Variants in PDE4DIP observed in about 807,000 individuals in gnomAD.
The protein encoded by PDE4DIP is phosphodiesterase 4D interacting protein.
A neutral mutation model predicts 221.4 loss-of-function variants in PDE4DIP; 59 were observed. The observed-to-expected ratio is 0.27, with a 90% confidence interval of 0.22 to 0.33. The LOEUF (loss-of-function observed/expected upper bound fraction) is 0.33. PDE4DIP is among the 10% of genes least tolerant of loss of function. PDE4DIP has a pLI of 1.00. For missense variants in PDE4DIP, 1,036 were observed against 2,154.2 expected (o/e 0.48, Z 10.28); for synonymous variants, 404 against 815.9 (o/e 0.50, Z 8.60).
chr1:148,984,061 C>G (rs587614831), intron 21 of PDE4DIP: 1 of 152,028 alleles, frequency 6.6e-6, no homozygotes, highest in Non-Finnish European at 1.5e-5. Flanking sequence ...AGATATTGTC[C>G]CTAAACTCTT....
At chr1:148,936,727 T>G (rs2049275790) in intron 4 of PDE4DIP, among the ~76,000 whole-genome samples, 1 of 152,204 alleles carries the variant, frequency 6.6e-6, no homozygotes, top group Non-Finnish European at 1.5e-5. Context: ...TTTTTTTTAC[T>G]TTTTAAACTT....
intron 1 of PDE4DIP, among the ~76,000 whole-genome samples, chr1:148,821,414 A>C (rs1553360784): frequency 6.6e-6 from 1 of 150,690 alleles, no homozygotes; most frequent in East Asian, 1.9e-4. Context: ...AAAATGAGGA[A>C]CAAAATTATT....
At chr1:149,010,394 A>T in intron 30 of PDE4DIP, 49 bp from the exon 34 acceptor site, 1 of 1,579,536 alleles carries the variant, frequency 6.3e-7, no homozygotes, top group Non-Finnish European at 8.7e-7. Flanking sequence ...CCAGGATTCC[A>T]GTTCTCTGTA....
chr1:148,960,866 T>C (rs1177011718), intron 6 of PDE4DIP, 81 bp downstream of exon 9: 1 of 522,992 alleles, frequency 1.9e-6, no homozygotes, highest in African/African-American at 1.9e-5. Flanking sequence ...TGTCAACCTT[T>C]GTAGGACTTG....
chr1:148,931,603 A>G (rs2048003508), intron 2 of PDE4DIP, 197 bp from the exon 6 acceptor site: 1 of 559,298 alleles, frequency 1.8e-6, no homozygotes, highest in South Asian at 2.0e-5. Context: ...CAGAATGGCT[A>G]CTATTAAAAC....
intron 5 of PDE4DIP, among the ~76,000 whole-genome samples, chr1:148,956,144 T>C (rs2055254475): frequency 6.6e-6 from 1 of 151,952 alleles, no homozygotes; most frequent in Admixed American, 6.5e-5. Flanking sequence ...AATAATATAA[T>C]TTTTTTTGGT....
chr1:148,968,846 C>T (rs1553521244), exon 14 of PDE4DIP: 1 of 1,611,840 alleles, frequency 6.2e-7, no homozygotes, highest in Non-Finnish European at 8.5e-7. Flanking sequence ...GATCTTAGTG[C>T]AACACTGCTC....
chr1:148,942,180 C>T (rs1231263195), intron 5 of PDE4DIP: 1 of 152,022 alleles, frequency 6.6e-6, no homozygotes, highest in Non-Finnish European at 1.5e-5. Flanking sequence ...TCAAGTGATC[C>T]CAGTATGAAA....
At chr1:148,930,196 A>AATACAAAAATTAAT (rs1558843929) in intron 2 of PDE4DIP, 1 of 152,024 alleles carries the variant, frequency 6.6e-6, no homozygotes, top group African/African-American at 2.4e-5. Context: ...AAAGTTTCAG[A>AATACAAAAATTAAT]ATACAAAAAT....
chr1:148,973,254 C>G (rs1429834684), intron 16 of PDE4DIP, among the ~76,000 whole-genome samples: 1 of 151,946 alleles, frequency 6.6e-6, no homozygotes, highest in Non-Finnish European at 1.5e-5. Flanking sequence ...GCTCACCTCT[C>G]GAGTAGCTGG....
At chr1:148,820,716 G>GC (rs1296532782) in intron 1 of PDE4DIP, among the ~76,000 whole-genome samples, 1 of 98,240 alleles carries the variant, frequency 1.0e-5, no homozygotes, top group Non-Finnish European at 1.8e-5. Context: ...TTTTTTTTTG[G>GC]GGGGGGGGTG....
At chr1:149,025,487 T>G (rs1263268233) in intron 38 of PDE4DIP, among the ~76,000 whole-genome samples, 2 of 152,200 alleles carry the variant, frequency 1.3e-5, no homozygotes, top group African/African-American at 4.8e-5. Context: ...ATAGGCGTGT[T>G]TGACCAGGTC....
At chr1:148,846,431 C>T (rs1428960427) in intron 1 of PDE4DIP, among the ~76,000 whole-genome samples, 1 of 28,812 alleles carries the variant, frequency 3.5e-5, no homozygotes, top group African/African-American at 1.7e-4. Flanking sequence ...GCAACAAAAG[C>T]GAAACTCCGC....
At chr1:148,980,709 T>C (rs1342895343) in intron 20 of PDE4DIP, among the ~76,000 whole-genome samples, 1 of 152,180 alleles carries the variant, frequency 6.6e-6, no homozygotes, top group Non-Finnish European at 1.5e-5. Context: ...AAATGTTTTC[T>C]TTCTACCAGG....
chr1:148,912,240 G>T (rs587737905), intron 1 of PDE4DIP, among the ~76,000 whole-genome samples: 7 of 146,166 alleles, frequency 4.8e-5, no homozygotes, highest in Non-Finnish European at 9.0e-5. Context: ...ATCCTAGACT[G>T]GTAGTCTCCA....
intron 14 of PDE4DIP, among the ~76,000 whole-genome samples, chr1:148,969,811 A>G: frequency 6.6e-6 from 1 of 151,782 alleles, no homozygotes; most frequent in Non-Finnish European, 1.5e-5. Flanking sequence ...GGTTCAAGCA[A>G]TTCTTCTGCT....
chr1:149,023,968 G>T (rs1405338157), intron 37 of PDE4DIP, among the ~76,000 whole-genome samples: 1 of 150,948 alleles, frequency 6.6e-6, no homozygotes, highest in African/African-American at 2.4e-5. Context: ...GAGAGAAATT[G>T]AAAAACTCAG....
chr1:148,923,567 G>A (rs1177979273), intron 1 of PDE4DIP, among the ~76,000 whole-genome samples: 3 of 142,172 alleles, frequency 2.1e-5, no homozygotes, highest in Admixed American at 6.8e-5. Context: ...TCCGCCTCCC[G>A]GGTTCACGCC....
rs1231860000 is a variant in PDE4DIP at position 148,824,285 on chromosome 1, T to C, written c.233+15548T>C. ...TTTTCAGACTCACGCACACGGTATT[T>C]GGCAGGCTTTAGTTCCTGTCCACAC... On this transcript the variant is annotated intron_variant, in intron 1 of 45. Transcript: ENST00000524974. 5.8e-4 allele frequency among the ~76,000 whole-genome samples: 87 copies of C among 149,838 alleles called. No homozygotes were observed. The Middle Eastern group carries it at 0.01, about 18-fold the overall frequency.
Sources: allele counts gnomAD v4.1 joint callset (sites outside exome capture counted in the v4.1 genomes callset), GRCh38; gene constraint gnomAD v4.1.1; transcripts MANE v1.5; gene names NCBI Gene and HGNC (gene_info 2026-07-23, HGNC 2026-07-21).